The following AGBL1 variants were observed in gnomAD, a reference collection of about 807,000 sequenced individuals.
AGBL1 encodes the protein AGBL carboxypeptidase 1.
Under a neutral mutation model 118.9 loss-of-function variants are expected in AGBL1, and 130 were observed. The ratio of observed to expected loss-of-function variants is 1.09; its 90% CI spans 0.95 to 1.26. The LOEUF (loss-of-function observed/expected upper bound fraction) is 1.26, where lower values mean the gene tolerates loss of function less well. Ranked by LOEUF, AGBL1 falls within the 50% of genes most tolerant of loss-of-function variation. The pLI, the probability that AGBL1 is intolerant of heterozygous loss-of-function variation, is 0.00. For synonymous variants in AGBL1, 555 were observed against 478.9 expected, an observed-to-expected ratio of 1.16 and a Z score of -2.08; for missense variants, 1,584 against 1,298.1, an observed-to-expected ratio of 1.22 and a Z score of -3.38.
At chr15:86,441,524 C>T (rs547056765) in intron 18 of AGBL1, among the ~76,000 whole-genome samples, 1 of 152,074 alleles carries the variant, frequency 6.6e-6, no homozygotes, top group Non-Finnish European at 1.5e-5. Flanking sequence ...AGTAGGGGTG[C>T]CAATGACATA....
At chr15:86,430,116 T>C (rs1264763532) in intron 18 of AGBL1, among the ~76,000 whole-genome samples, 1 of 152,244 alleles carries the variant, frequency 6.6e-6, no homozygotes, top group African/African-American at 2.4e-5. Flanking sequence ...AGGCAAATTG[T>C]ACTTTCAGTG....
At chr15:86,551,788 A>T (rs2083666495) in intron 20 of AGBL1, among the ~76,000 whole-genome samples, 1 of 152,196 alleles carries the variant, frequency 6.6e-6, no homozygotes, top group Non-Finnish European at 1.5e-5. Context: ...ATAAACAGAC[A>T]ATAGTATTAT....
chr15:86,566,624 A>T (rs2083919770), intron 21 of AGBL1, among the ~76,000 whole-genome samples: 1 of 152,050 alleles, frequency 6.6e-6, no homozygotes, highest in Non-Finnish European at 1.5e-5. Flanking sequence ...TGGCTCTCAC[A>T]CAGTTCTTTG....
chr15:86,955,729 AAATT>A (rs918686252), intron 23 of AGBL1, among the ~76,000 whole-genome samples: 16 of 152,040 alleles, frequency 1.1e-4, no homozygotes, highest in African/African-American at 3.9e-4. Context: ...TTCTGAAAAT[AAATT>A]AACAACCGGA....
intron 22 of AGBL1, among the ~76,000 whole-genome samples, chr15:86,863,376 C>A (rs1485473146): frequency 6.6e-6 from 1 of 152,144 alleles, no homozygotes; most frequent in African/African-American, 2.4e-5. Flanking sequence ...GAGCTTTCAG[C>A]ATTCACACCG....
chr15:86,688,083 A>G (rs1265423254), intron 22 of AGBL1, among the ~76,000 whole-genome samples: 1 of 152,200 alleles, frequency 6.6e-6, no homozygotes, highest in African/African-American at 2.4e-5. Context: ...GTTGGAATTT[A>G]TAAAACTAAT....
At chr15:86,211,974 C>A (rs1457081079) in intron 5 of AGBL1, among the ~76,000 whole-genome samples, 1 of 152,158 alleles carries the variant, frequency 6.6e-6, no homozygotes, top group Non-Finnish European at 1.5e-5. Flanking sequence ...CATCTTGGAA[C>A]AGAATCCTGT....
intron 17 of AGBL1, among the ~76,000 whole-genome samples, chr15:86,342,179 A>G (rs2080471299): frequency 6.6e-6 from 1 of 152,096 alleles, no homozygotes; most frequent in Non-Finnish European, 1.5e-5. Context: ...CCTGCCCAGT[A>G]CTCAATGTGT....
In AGBL1 at chr15:86,665,554, T is replaced by C. The variant is rs116278461; in HGVS notation, c.2995-8719T>C. Among the ~76,000 whole-genome samples the C allele has an allele frequency of 6.4e-3, 969 of 152,268 alleles. 8 individuals carry two copies. The highest frequency in any genetic ancestry group is 0.022 in the African/African-American group (910 of 41,560). ...TGTTGGAATTATGTTTATTTTGTTG[T>C]TTCCATTTTAGTTTAGTTTATGGTA... On this transcript the variant is annotated intron_variant, in intron 21 of 22. Coordinates refer to ENST00000614907, the MANE Select transcript of AGBL1 (RefSeq NM_001386094.1).
intron 17 of AGBL1, among the ~76,000 whole-genome samples, chr15:86,318,967 C>A (rs1053453804): frequency 1.3e-5 from 2 of 152,090 alleles, no homozygotes. Context: ...TTTCCCCGTA[C>A]AGTCTTGCTA....
chr15:86,703,840 C>G (rs1434790205), intron 22 of AGBL1, among the ~76,000 whole-genome samples: 1 of 151,690 alleles, frequency 6.6e-6, no homozygotes, highest in Non-Finnish European at 1.5e-5. Context: ...AATTAAATCT[C>G]TTTTTTTTAG....
At chr15:86,236,371 G>A (rs1338353479) in intron 6 of AGBL1, among the ~76,000 whole-genome samples, 1 of 150,752 alleles carries the variant, frequency 6.6e-6, no homozygotes, top group African/African-American at 2.4e-5. Flanking sequence ...TTCCAGTAGG[G>A]GATGAAGCAT....
intron 18 of AGBL1, among the ~76,000 whole-genome samples, chr15:86,521,865 G>C (rs1464350197): frequency 6.6e-6 from 1 of 152,094 alleles, no homozygotes; most frequent in Non-Finnish European, 1.5e-5. Context: ...AGGAGTTGGG[G>C]GTGCTGGAGG....
chr15:86,584,194 T>A (rs1448084196), intron 21 of AGBL1, among the ~76,000 whole-genome samples: 5 of 152,164 alleles, frequency 3.3e-5, no homozygotes, highest in Admixed American at 3.3e-4. Context: ...TTTAATTAGG[T>A]CCCATTTGTC....
chr15:86,881,291 G>A (rs1396380559), intron 22 of AGBL1, among the ~76,000 whole-genome samples: 4 of 152,072 alleles, frequency 2.6e-5, no homozygotes, highest in Admixed American at 2.0e-4. Context: ...TCTTGACATC[G>A]GAAGAAACCT....
chr15:86,499,421 G>A (rs981587781), intron 18 of AGBL1, among the ~76,000 whole-genome samples: 3 of 151,852 alleles, frequency 2.0e-5, no homozygotes, highest in Non-Finnish European at 4.4e-5. Context: ...CGAACGAAGT[G>A]TAATGGAACC....
Position 86,364,988 on chromosome 15 carries a change from T to TATAC in AGBL1, c.2375-32377_2375-32376insTACA, listed in dbSNP as rs1382882995. On this transcript the variant is annotated intron_variant, in intron 17 of 22. Transcript: ENST00000614907. The stretch of plus-strand genomic sequence containing the variant: ...ATATATATATATATATATATATATA[T>TATAC]ACACACACACATATATATATACACA... 3.5e-4 allele frequency among the ~76,000 whole-genome samples: 36 copies of TATAC among 103,586 alleles called. 1 individual carries two copies. The highest frequency in any genetic ancestry group is 4.4e-4 in the Non-Finnish European group (23 of 52,822). The allele number at this position is 103,586 out of a possible 152,430, so 68.0% of individuals were successfully genotyped here.
intron 18 of AGBL1, among the ~76,000 whole-genome samples, chr15:86,433,843 C>T (rs1172226947): frequency 6.6e-6 from 1 of 152,214 alleles, no homozygotes; most frequent in East Asian, 1.9e-4. Context: ...CAGCATCTTT[C>T]TCAAATAACT....
intron 19 of AGBL1, among the ~76,000 whole-genome samples, chr15:86,524,418 G>A (rs2083233986): frequency 1.3e-5 from 2 of 152,160 alleles, no homozygotes; most frequent in African/African-American, 4.8e-5. Context: ...GAGTACAGGA[G>A]AGACAAGGTA....
Sources: allele counts gnomAD v4.1 joint callset (sites outside exome capture counted in the v4.1 genomes callset), GRCh38; gene constraint gnomAD v4.1.1; transcripts MANE v1.5; gene names NCBI Gene and HGNC (gene_info 2026-07-23, HGNC 2026-07-21).